Variants in NAT1 observed in about 807,000 individuals in gnomAD.
The protein encoded by NAT1 is arylamine N-acetyltransferase 1.
For missense variants in NAT1, 400 were observed against 339.2 expected (o/e 1.18, Z -1.41); for synonymous variants, 144 against 122.6 (o/e 1.17, Z -1.16).
At position 18,222,499 on chromosome 8, in the gene NAT1, G is replaced by C. The variant is rs370302501; in HGVS notation, c.452G>C (p.Arg151Pro). 6.2e-7 allele frequency: 1 copy of C among 1,614,054 alleles called. No homozygotes were observed. The highest frequency in any genetic ancestry group is 8.5e-7 in the Non-Finnish European group (1 of 1,179,994). The change falls in exon 3 of 3, where the codon CGT (arginine) becomes CCT (proline). Residue 151 changes from arginine (R) to proline (P), a missense_variant. Arg to Pro is a moderately radical substitution (Grantham distance 103, BLOSUM62 -2). Coordinates refer to ENST00000307719, the MANE Select transcript of NAT1 (RefSeq NM_000662.8). ...CAGCCTCAGGTGCCTTGTGTCTTCC[G>C]TTTGACGGAAGAGAATGGATTCTGG... ...KDQPQVPCVF[R>P]LTEENGFWYL... is the part of the protein sequence containing the mutation.
intron 2 of NAT1, among the ~76,000 whole-genome samples, chr8:18,182,663 T>C (rs557821268): frequency 6.6e-6 from 1 of 152,316 alleles, no homozygotes; most frequent in East Asian, 1.9e-4. Flanking sequence ...CTAAGTCATG[T>C]TTTCTAGCAG....
intron 2 of NAT1, among the ~76,000 whole-genome samples, chr8:18,191,511 C>G (rs1339963176): frequency 6.6e-6 from 1 of 151,634 alleles, no homozygotes; most frequent in Admixed American, 6.6e-5. Context: ...CATATGGAAC[C>G]AAAAAAGAGC....
chr8:18,222,779 C>G lies in NAT1; in HGVS notation c.732C>G (p.Phe244Leu). ...LVGFTLTHRR[F>L]NYKDNTDLIE... ...GCTTCACCCTCACCCATAGGAGATT[C>G]AATTATAAGGACAATACAGATCTAA... The change falls in exon 3 of 3, where the codon TTC becomes TTG. Residue 244 changes from phenylalanine (F) to leucine (L), a missense_variant. By Grantham distance (22) the Phe-to-Leu change is conservative. Coordinates refer to ENST00000307719, the MANE Select transcript of NAT1 (RefSeq NM_000662.8). The G allele has an allele frequency of 6.2e-7, 1 of 1,613,420 alleles. No individual in the cohort carries two copies. Among genetic ancestry groups the G allele is most frequent in the Non-Finnish European group, 8.5e-7 (1 of 1,179,824 alleles).
intron 2 of NAT1, among the ~76,000 whole-genome samples, chr8:18,187,936 A>AACACACACACACACAC (rs35203470): frequency 0.02 from 2,711 of 137,436 alleles, 55 homozygotes; most frequent in East Asian, 0.044. Context: ...TTGTATCTTA[A>AACACACACACACACAC]ACACACACAC....
In NAT1 at chr8:18,174,623, A is replaced by G. The variant is rs145366835; in HGVS notation, n.92+3884A>G. On this transcript the variant is annotated intron_variant and non_coding_transcript_variant, in intron 2 of 4. Coordinates refer to the NAT1 transcript ENST00000517441. Reference sequence around the variant, plus strand: ...ATCCGGAGGAGTCCTCACGCCCTGGAGAACCCAGCTTTAGAGGGCGGTTAT... The same window carrying G: ...ATCCGGAGGAGTCCTCACGCCCTGGGGAACCCAGCTTTAGAGGGCGGTTAT... Among the ~76,000 whole-genome samples, 6 of 152,220 alleles carry G rather than the reference A, an allele frequency of 3.9e-5. No homozygotes were observed. The East Asian group carries it at 1.2e-3, about 29-fold the overall frequency.
At chr8:18,171,017 G>T (rs1010024127) in intron 2 of NAT1, among the ~76,000 whole-genome samples, 2 of 152,082 alleles carry the variant, frequency 1.3e-5, no homozygotes, top group East Asian at 3.8e-4. Context: ...CAGTTAACTA[G>T]ATTGGATCCA....
At chr8:18,188,065 A>G (rs946606616) in intron 2 of NAT1, among the ~76,000 whole-genome samples, 2 of 151,992 alleles carry the variant, frequency 1.3e-5, no homozygotes, top group African/African-American at 4.8e-5. Flanking sequence ...GTTAAAATTC[A>G]TCTTTACATA....
intron 2 of NAT1, among the ~76,000 whole-genome samples, chr8:18,180,852 C>G (rs572528860): frequency 6.6e-6 from 1 of 152,032 alleles, no homozygotes; most frequent in Non-Finnish European, 1.5e-5. Context: ...TTGTTCTGCT[C>G]CATTAGTCTG....
intron 2 of NAT1, among the ~76,000 whole-genome samples, chr8:18,200,623 C>A (rs980071769): frequency 1.8e-4 from 28 of 152,014 alleles, no homozygotes; most frequent in Admixed American, 2.6e-4. Context: ...ACCTGTACAC[C>A]AAACCCCTGT....
At chr8:18,176,603 G>GT (rs141707231) in intron 2 of NAT1, among the ~76,000 whole-genome samples, 41,657 of 149,324 alleles carry the variant, frequency 0.28, 6,295 homozygotes, top group South Asian at 0.41. Context: ...TTTTTGTTTT[G>GT]TTTTGTTTTT....
intron 2 of NAT1, among the ~76,000 whole-genome samples, chr8:18,196,693 T>A (rs1803248877): frequency 6.6e-6 from 1 of 152,234 alleles, no homozygotes; most frequent in Non-Finnish European, 1.5e-5. Flanking sequence ...ATGACAATGA[T>A]AAATGCATAA....
chr8:18,201,527 A>G lies in NAT1; in HGVS notation n.93-8254A>G, dbSNP rs141053922. Among the ~76,000 whole-genome samples, 1,485 of 151,974 alleles carry G rather than the reference A, an allele frequency of 9.8e-3. 20 individuals carry two copies. The highest frequency in any genetic ancestry group is 0.033 in the African/African-American group (1,353 of 41,434). On this transcript the variant is annotated intron_variant and non_coding_transcript_variant, in intron 2 of 4. Transcript: ENST00000517441. ...TATTAACTGAGTATTCAAGACTCTC[A>G]GGGCCCCTCTCAAAAAAAAAAGAAA...
intron 2 of NAT1, among the ~76,000 whole-genome samples, chr8:18,178,725 T>C (rs28383668): frequency 0.019 from 2,950 of 152,270 alleles, 44 homozygotes; most frequent in South Asian, 0.07. Flanking sequence ...AAGGAGTAGA[T>C]AAAATATCAG....
rs997352429 is a variant in NAT1 at position 18,223,094 on chromosome 8, T to C, written c.*174T>C. ...AATTAAACAGCTTTTTAAAGAAACA[T>C]AACCACAAACCTTTTCAAATAATAA... On this transcript the variant is annotated 3_prime_UTR_variant, in exon 3 of 3. Transcript: ENST00000307719. 6 of 307,096 alleles carry C rather than the reference T, an allele frequency of 2.0e-5. No individual in the cohort carries two copies. The highest frequency in any genetic ancestry group is 3.6e-5 in the Non-Finnish European group (6 of 164,558). The allele number at this position is 307,096 out of a possible 1,614,324, so 19.0% of individuals were successfully genotyped here.
chr8:18,176,648 T>C (rs4921871), intron 2 of NAT1, among the ~76,000 whole-genome samples: 25,240 of 151,032 alleles, frequency 0.17, 2,505 homozygotes, highest in South Asian at 0.32. Flanking sequence ...AATCAGGAAA[T>C]GTGATGCCTT....
At chr8:18,192,854 G>A (rs549630428) in intron 2 of NAT1, among the ~76,000 whole-genome samples, 6 of 151,838 alleles carry the variant, frequency 4.0e-5, no homozygotes, top group South Asian at 2.1e-4. Flanking sequence ...GTGGGGGAAG[G>A]GGGGAGGGAT....
intron 1 of NAT1, among the ~76,000 whole-genome samples, chr8:18,217,331 A>C (rs1308474276): frequency 6.6e-6 from 1 of 152,346 alleles, no homozygotes; most frequent in African/African-American, 2.4e-5. Flanking sequence ...GACCAAGATA[A>C]TATGCCCCAA....
intron 1 of NAT1, among the ~76,000 whole-genome samples, chr8:18,213,068 C>CCT (rs1804263543): frequency 7.0e-6 from 1 of 142,650 alleles, no homozygotes; most frequent in Non-Finnish European, 1.5e-5. Context: ...CCACACCTCG[C>CCT]TTTTTTTTTT....
At chr8:18,214,749 G>A (rs1057126817) in intron 1 of NAT1, among the ~76,000 whole-genome samples, 1 of 152,100 alleles carries the variant, frequency 6.6e-6, no homozygotes, top group Non-Finnish European at 1.5e-5. Flanking sequence ...AGGTAAACTT[G>A]TGTCATGGGG....
Sources: allele counts gnomAD v4.1 joint callset (sites outside exome capture counted in the v4.1 genomes callset), GRCh38; gene constraint gnomAD v4.1.1; transcripts MANE v1.5; gene names NCBI Gene and HGNC (gene_info 2026-07-23, HGNC 2026-07-21).